Variants in RALGAPA2 observed in about 807,000 individuals in gnomAD.
The protein encoded by RALGAPA2 is ral GTPase-activating protein subunit alpha-2.
RALGAPA2 carries 139 observed loss-of-function variants against 230.4 expected under a neutral mutation model. That is an observed-to-expected ratio of 0.60 (90% CI 0.53 to 0.69). The LOEUF (loss-of-function observed/expected upper bound fraction) is 0.69, where lower values mean the gene tolerates loss of function less well. Ranked by LOEUF, RALGAPA2 falls within the 30% of genes least tolerant of loss-of-function variation. The pLI, the probability that RALGAPA2 is intolerant of heterozygous loss-of-function variation, is 0.00. For synonymous variants in RALGAPA2, 847 were observed against 837.8 expected (o/e 1.01, Z -0.19); for missense variants, 2,163 against 2,276.0 (o/e 0.95, Z 1.01).
chr20:20,518,147 C>G (rs747511802), intron 31 of RALGAPA2, among the ~76,000 whole-genome samples: 3 of 152,054 alleles, frequency 2.0e-5, no homozygotes, highest in Non-Finnish European at 4.4e-5. Flanking sequence ...CCTCCGTCTC[C>G]CGGGTTCAAG....
At chr20:20,625,196 C>T (rs1002635667) in intron 10 of RALGAPA2, among the ~76,000 whole-genome samples, 1 of 152,198 alleles carries the variant, frequency 6.6e-6, no homozygotes, top group African/African-American at 2.4e-5. Context: ...TTCACCTGTA[C>T]ACCCCCCTGT....
chr20:20,683,545 G>T (rs772886490), intron 1 of RALGAPA2, among the ~76,000 whole-genome samples: 1 of 152,074 alleles, frequency 6.6e-6, no homozygotes, highest in Non-Finnish European at 1.5e-5. Flanking sequence ...TTCTTCACTT[G>T]GGGCCCCTGC....
intron 1 of RALGAPA2, among the ~76,000 whole-genome samples, chr20:20,705,650 TTTG>T (rs747437031): frequency 1.1e-4 from 17 of 152,028 alleles, no homozygotes; most frequent in Admixed American, 2.0e-4. Flanking sequence ...AAAGTCAAGT[TTTG>T]TTGTTGTTGT....
intron 1 of RALGAPA2, among the ~76,000 whole-genome samples, chr20:20,698,584 T>A (rs2069218272): frequency 6.6e-6 from 1 of 152,206 alleles, no homozygotes. Flanking sequence ...GAGTATTTTG[T>A]ATTTTTAGTT....
chr20:20,692,516 T>A (rs2068948776), intron 1 of RALGAPA2, among the ~76,000 whole-genome samples: 1 of 152,188 alleles, frequency 6.6e-6, no homozygotes, highest in Non-Finnish European at 1.5e-5. Context: ...AGTGCCCCTC[T>A]CGGAACCTGG....
chr20:20,505,892 T>C (rs979475359), intron 33 of RALGAPA2, among the ~76,000 whole-genome samples: 1 of 152,186 alleles, frequency 6.6e-6, no homozygotes, highest in Non-Finnish European at 1.5e-5. Flanking sequence ...GGCACACCAT[T>C]TGGTAAGTTC....
At chr20:20,487,772 C>A (rs778303442) in intron 36 of RALGAPA2, among the ~76,000 whole-genome samples, 1 of 151,966 alleles carries the variant, frequency 6.6e-6, no homozygotes, top group Non-Finnish European at 1.5e-5. Flanking sequence ...CTTAGCCAGG[C>A]GTGGTGGCAT....
intron 37 of RALGAPA2, among the ~76,000 whole-genome samples, chr20:20,452,265 G>C (rs946197858): frequency 3.3e-5 from 5 of 152,160 alleles, no homozygotes; most frequent in African/African-American, 1.2e-4. Flanking sequence ...ATTTTATATA[G>C]TGACCCAAAA....
rs901493853 is a variant in RALGAPA2 at position 20,635,653 on chromosome 20, A to G, written c.806-36T>C. 3 of 1,450,494 alleles carry G rather than the reference A, an allele frequency of 2.1e-6. No homozygotes were observed. In the South Asian group the frequency reaches 4.0e-5, roughly 19 times the overall value. The allele number at this position is 1,450,494 out of a possible 1,614,324, so 89.9% of individuals were successfully genotyped here. A position where few individuals can be genotyped will look rare whatever the true frequency, so the allele number is the denominator to read the frequency against. ...AAAGAACACATGATTGATTAGGTTA[A>G]TAAATCATAACATTAAGTAATCCCT... On this transcript the variant is annotated intron_variant, in intron 8 of 39. Transcript: ENST00000202677.
chr20:20,710,256 T>C (rs921189103), intron 1 of RALGAPA2, among the ~76,000 whole-genome samples: 1 of 152,176 alleles, frequency 6.6e-6, no homozygotes, highest in Non-Finnish European at 1.5e-5. Context: ...TTACTATTCA[T>C]TTCCTTCAAA....
At chr20:20,461,776 A>G (rs1241023440) in intron 37 of RALGAPA2, among the ~76,000 whole-genome samples, 1 of 152,200 alleles carries the variant, frequency 6.6e-6, no homozygotes, top group East Asian at 1.9e-4. Flanking sequence ...AGCCTGCCCT[A>G]CCCTTTGTGG....
Position 20,615,946 on chromosome 20 carries a change from G to A in RALGAPA2, c.1688+97C>T, listed in dbSNP as rs16982040. On this transcript the variant is annotated intron_variant, in intron 13 of 39. Coordinates refer to ENST00000202677, the MANE Select transcript of RALGAPA2 (RefSeq NM_020343.4). Reference sequence around the variant, plus strand: ...CAAAAGACATTTTGTTGTTAAGTTCGTAAAAACATTAAATAAATGCAAGCC... The same window carrying A: ...CAAAAGACATTTTGTTGTTAAGTTCATAAAAACATTAAATAAATGCAAGCC... 3,029 of 1,016,818 alleles carry A rather than the reference G, an allele frequency of 3.0e-3. 66 individuals are homozygous for A. In the African/African-American group the frequency reaches 0.045, roughly 15 times the overall value. The allele number at this position is 1,016,818 out of a possible 1,614,324, so 63.0% of individuals were successfully genotyped here.
intron 38 of RALGAPA2, among the ~76,000 whole-genome samples, chr20:20,397,883 T>C (rs1487488872): frequency 6.6e-6 from 1 of 152,194 alleles, no homozygotes; most frequent in African/African-American, 2.4e-5. Flanking sequence ...TAACTGATCG[T>C]GGGTCGTGTA....
rs74354365 is a variant in RALGAPA2, at chr20:20,557,896, C to T, written c.3157-11064G>A. On this transcript the variant is annotated intron_variant, in intron 23 of 39. Transcript: ENST00000202677. ...AAGGTTTAAAAACAAACCCAAGCAT[C>T]GTCCTGTTCCTTACAGGAAGGGAAA... Among the ~76,000 whole-genome samples, 849 of 152,258 alleles carry T rather than the reference C, an allele frequency of 5.6e-3. 9 individuals carry two copies. Among genetic ancestry groups the T allele is most frequent in the African/African-American group, 0.019 (781 of 41,546 alleles).
At chr20:20,602,809 C>G (rs2065696784) in intron 15 of RALGAPA2, among the ~76,000 whole-genome samples, 1 of 138,996 alleles carries the variant, frequency 7.2e-6, no homozygotes, top group Non-Finnish European at 1.6e-5. Flanking sequence ...TGCAGAATGG[C>G]AGGCGTGTGT....
chr20:20,493,501 T>C (rs1232092189), intron 36 of RALGAPA2, among the ~76,000 whole-genome samples: 2 of 152,224 alleles, frequency 1.3e-5, no homozygotes, highest in Non-Finnish European at 2.9e-5. Context: ...TACTATCTTT[T>C]TAAAAAATCA....
chr20:20,566,525 T>G (rs2064430773), intron 23 of RALGAPA2, among the ~76,000 whole-genome samples: 1 of 152,128 alleles, frequency 6.6e-6, no homozygotes, highest in Non-Finnish European at 1.5e-5. Context: ...AATCAACACT[T>G]TAAGATATCA....
Position 20,513,214 on chromosome 20 carries a change from G to C in RALGAPA2, c.4155C>G (p.His1385Gln), listed in dbSNP as rs567645654. 8.8e-5 allele frequency: 133 copies of C among 1,516,688 alleles called. 2 individuals carry two copies. The South Asian group carries it at 1.7e-3, about 20-fold the overall frequency. The allele number at this position is 1,516,688 out of a possible 1,614,324, so 94.0% of individuals were successfully genotyped here. A position where few individuals can be genotyped will look rare whatever the true frequency, so the allele number is the denominator to read the frequency against. ...CCCCACTGAGGGGGTAGTGCCCCAG[G>C]TGGTTCACCAGGTGGGCCATCACCA... is the stretch of plus-strand genomic sequence containing the variant. ...ARMVMAHLVN[H>Q]LGHYPLSGGP... The change falls in exon 32 of 40, where the codon CAC becomes CAG. Residue 1385 changes from histidine (H) to glutamine (Q), a missense_variant. Coordinates refer to ENST00000202677, the MANE Select transcript of RALGAPA2 (RefSeq NM_020343.4).
chr20:20,642,155 AG>A (rs2067058933), intron 5 of RALGAPA2, among the ~76,000 whole-genome samples: 1 of 3,724 alleles, frequency 2.7e-4, no homozygotes, highest in Non-Finnish European at 5.4e-4. Flanking sequence ...AGGGGAGGGG[AG>A]GGGAGGGGAG....
Sources: allele counts gnomAD v4.1 joint callset (sites outside exome capture counted in the v4.1 genomes callset), GRCh38; gene constraint gnomAD v4.1.1; transcripts MANE v1.5; gene names NCBI Gene and HGNC (gene_info 2026-07-23, HGNC 2026-07-21).